The following MAP3K19 variants were observed in gnomAD, a reference collection of about 807,000 sequenced individuals.
MAP3K19 encodes mitogen-activated protein kinase kinase kinase 19.
Under a neutral mutation model 114.4 loss-of-function variants are expected in MAP3K19, and 91 were observed. The ratio of observed to expected loss-of-function variants is 0.80; its 90% CI spans 0.67 to 0.95. MAP3K19 has a LOEUF of 0.95. Among genes scored for constraint, MAP3K19 ranks in the 40% least tolerant of loss-of-function variants. The pLI, the probability that MAP3K19 is intolerant of heterozygous loss-of-function variation, is 0.00. For synonymous variants in MAP3K19, 518 were observed against 530.5 expected (o/e 0.98, Z 0.32); for missense variants, 1,471 against 1,573.2 (o/e 0.94, Z 1.10).
At chr2:134,978,188 GAT>G (rs1491520514) in intron 12 of MAP3K19, among the ~76,000 whole-genome samples, 10 of 141,478 alleles carry the variant, frequency 7.1e-5, no homozygotes, top group East Asian at 4.1e-4. Flanking sequence ...ACCTTATAAT[GAT>G]TTTTTTTTTT....
chr2:134,964,757 C>T lies in MAP3K19; in HGVS notation c.*93G>A. 1 of 1,034,358 alleles carries T rather than the reference C, an allele frequency of 9.7e-7. No individual in the cohort carries two copies. The highest frequency in any genetic ancestry group is 1.5e-6 in the Non-Finnish European group (1 of 685,308). 64.1% of individuals were successfully genotyped at this position (1,034,358 alleles called of 1,614,324 possible). A position where few individuals can be genotyped will look rare whatever the true frequency, so the allele number is the denominator to read the frequency against. ...CTTAAACTGGGTTAGACTGAATTTT[C>T]AGTGGGGAAACAAAGATCCCTTAGC... On this transcript the variant is annotated 3_prime_UTR_variant, in exon 13 of 13. Coordinates refer to ENST00000392915, the MANE Select transcript of MAP3K19 (RefSeq NM_025052.5).
chr2:134,972,773 A>G (rs1573912035), intron 12 of MAP3K19, among the ~76,000 whole-genome samples: 1 of 152,194 alleles, frequency 6.6e-6, no homozygotes, highest in African/African-American at 2.4e-5. Flanking sequence ...TTTTATTGCT[A>G]TAAACCTCCC....
At chr2:135,006,385 C>T (rs977003010) in intron 5 of MAP3K19, among the ~76,000 whole-genome samples, 5 of 152,170 alleles carry the variant, frequency 3.3e-5, no homozygotes, top group Admixed American at 2.0e-4. Flanking sequence ...CCTAAGTGCT[C>T]AAGCCTGTCA....
chr2:135,034,176 C>T (rs1278361699), intron 2 of MAP3K19, among the ~76,000 whole-genome samples: 1 of 101,758 alleles, frequency 9.8e-6, no homozygotes, highest in Non-Finnish European at 1.8e-5. Context: ...GATGGGCGGC[C>T]GGGCAGAGAC....
At chr2:135,017,550 T>C (rs1226812169) in intron 5 of MAP3K19, among the ~76,000 whole-genome samples, 1 of 152,212 alleles carries the variant, frequency 6.6e-6, no homozygotes. Context: ...GGAGTAGTGA[T>C]GTAGTTACAC....
rs561721057 is a variant in MAP3K19 at position 135,031,785 on chromosome 2, T to A, written c.-283-1285A>T. 7.2e-5 allele frequency among the ~76,000 whole-genome samples: 11 copies of A among 151,818 alleles called. No homozygotes were observed. In the East Asian group the frequency reaches 1.9e-3, roughly 27 times the overall value. On this transcript the variant is annotated intron_variant, in intron 2 of 12. Transcript: ENST00000392915. ...GCATAATCTAGGAACACTTAGGAGGTGGAATTAACAAAACATAGCCATTTA... is the reference window on the plus strand; with the variant it reads ...GCATAATCTAGGAACACTTAGGAGGAGGAATTAACAAAACATAGCCATTTA...
Position 134,981,205 on chromosome 2 carries a change from T to C in MAP3K19, c.3536A>G (p.Glu1179Gly). ...QILQGVAYLH[E>G]NCVVHRDIKG... The stretch of plus-strand genomic sequence containing the variant: ...GATATCGCGATGTACCACACAGTTC[T>C]CATGGAGATAAGCAACACCTTGAAG... Residue 1179 changes from glutamate to glycine, a missense_variant, in exon 12 of 13, where the codon GAG (glutamate) becomes GGG (glycine). By Grantham distance (98) the Glu-to-Gly change is moderately conservative (BLOSUM62 -2). Coordinates refer to ENST00000392915, the MANE Select transcript of MAP3K19 (RefSeq NM_025052.5). 6.2e-7 allele frequency: 1 copy of C among 1,614,176 alleles called. No individual in the cohort carries two copies. Among genetic ancestry groups the C allele is most frequent in the Non-Finnish European group, 8.5e-7 (1 of 1,180,030 alleles).
rs908114562 is a variant in MAP3K19, at chr2:135,011,837, C to T, written c.139-6306G>A. Among the ~76,000 whole-genome samples, 8 of 151,990 alleles carry T rather than the reference C, an allele frequency of 5.3e-5. No homozygotes were observed. The East Asian group carries it at 1.6e-3, about 29-fold the overall frequency. On this transcript the variant is annotated intron_variant, in intron 5 of 12. Transcript: ENST00000392915. Reference sequence around the variant, plus strand: ...AGTTGGTTCTACAGGTGCATGCCACCACACCTGGCTGAGGCCAGGAGTTTG... The same window carrying T: ...AGTTGGTTCTACAGGTGCATGCCACTACACCTGGCTGAGGCCAGGAGTTTG...
chr2:135,024,943 T>C (rs994135654), intron 3 of MAP3K19, among the ~76,000 whole-genome samples: 1 of 152,246 alleles, frequency 6.6e-6, no homozygotes, highest in Admixed American at 6.5e-5. Flanking sequence ...GCTGTGTATC[T>C]TTATTCCCAT....
chr2:134,975,560 T>C (rs1226724022), intron 12 of MAP3K19, among the ~76,000 whole-genome samples: 1 of 151,954 alleles, frequency 6.6e-6, no homozygotes, highest in Non-Finnish European at 1.5e-5. Flanking sequence ...GCATGATGAT[T>C]GGGTGGCTGC....
chr2:134,993,464 A>C (rs1685755234), intron 8 of MAP3K19, among the ~76,000 whole-genome samples: 1 of 152,198 alleles, frequency 6.6e-6, no homozygotes, highest in Non-Finnish European at 1.5e-5. Context: ...CTGAGTGGCC[A>C]ACACTGTCCC....
At chr2:135,018,709 A>G (rs2105359799) in intron 5 of MAP3K19, among the ~76,000 whole-genome samples, 1 of 151,692 alleles carries the variant, frequency 6.6e-6, no homozygotes, top group Middle Eastern at 3.4e-3. Context: ...TCAGTGGAGG[A>G]AGTATGGTCT....
chr2:135,031,154 T>C (rs960791978), intron 2 of MAP3K19, among the ~76,000 whole-genome samples: 2 of 127,488 alleles, frequency 1.6e-5, no homozygotes, highest in African/African-American at 6.9e-5. Flanking sequence ...AACAGAGACA[T>C]ATTTAAAAAA....
At chr2:135,009,780 AT>A (rs964658089) in intron 5 of MAP3K19, among the ~76,000 whole-genome samples, 3 of 151,968 alleles carry the variant, frequency 2.0e-5, no homozygotes, top group African/African-American at 7.3e-5. Flanking sequence ...GAGGTTGCAA[AT>A]TTTTTTGTGT....
At chr2:134,980,441 G>A (rs1389116322) in intron 12 of MAP3K19, among the ~76,000 whole-genome samples, 1 of 147,196 alleles carries the variant, frequency 6.8e-6, no homozygotes, top group Admixed American at 6.8e-5. Context: ...TGTTTCTTTG[G>A]CTCAAAATGT....
In MAP3K19 at chr2:135,033,373, AC is replaced by A. The variant is rs1230827586; in HGVS notation, c.-283-2874del. On this transcript the variant is annotated intron_variant, in intron 2 of 12. Coordinates refer to ENST00000392915, the MANE Select transcript of MAP3K19 (RefSeq NM_025052.5). ...GGGCAGCTGGCCGGGTGGGGGGCTG[AC>A]CCCCCCCACTGCCCTCCCGGACGGG... is the stretch of plus-strand genomic sequence containing the variant. 5.7e-5 allele frequency among the ~76,000 whole-genome samples: 5 copies of A among 87,932 alleles called. No individual in the cohort carries two copies. In the East Asian group the frequency reaches 1.2e-3, roughly 21 times the overall value. The allele number at this position is 87,932 out of a possible 152,430, so 57.7% of individuals were successfully genotyped here.
At chr2:135,033,527 G>A (rs1688444481) in intron 2 of MAP3K19, among the ~76,000 whole-genome samples, 1 of 95,116 alleles carries the variant, frequency 1.1e-5, no homozygotes. Flanking sequence ...GGGCAGCCGG[G>A]CAGAGGCGCC....
Position 134,986,059 on chromosome 2 carries a change from G to A in MAP3K19, c.2813C>T (p.Thr938Ile), listed in dbSNP as rs781582548. The change falls in exon 10 of 13, where the codon ACA becomes ATA. Residue 938 changes from threonine to isoleucine, a missense_variant. Physicochemically the swap from Thr to Ile is moderately conservative, Grantham distance 89 (BLOSUM62 -1). Transcript: ENST00000392915. ...TAAGGTTTTTCCAAACATTTGATAT[G>A]TGATTGACTTATTTGCTAAACTATC... ...DHDSLANKSI[T>I]YQMFGKTLSG... The A allele has an allele frequency of 3.7e-6, 6 of 1,613,936 alleles. No individual in the cohort carries two copies. The Admixed American group carries it at 8.3e-5, about 22-fold the overall frequency.
chr2:134,993,224 G>A (rs2322253), intron 8 of MAP3K19, among the ~76,000 whole-genome samples: 8,611 of 152,102 alleles, frequency 0.057, 704 homozygotes, highest in East Asian at 0.38. Context: ...AATGTCTGTA[G>A]GTCCATTTCA....
Sources: allele counts gnomAD v4.1 joint callset (sites outside exome capture counted in the v4.1 genomes callset), GRCh38; gene constraint gnomAD v4.1.1; transcripts MANE v1.5; gene names NCBI Gene and HGNC (gene_info 2026-07-23, HGNC 2026-07-21).